The following USP49 variants were observed in gnomAD, a reference collection of about 807,000 sequenced individuals.
The protein encoded by USP49 is ubiquitin carboxyl-terminal hydrolase 49.
Under a neutral mutation model 58.6 loss-of-function variants are expected in USP49, and 24 were observed. The observed-to-expected ratio is 0.41, with a 90% CI of 0.30 to 0.58. The LOEUF (loss-of-function observed/expected upper bound fraction) is 0.58. Ranked by LOEUF, USP49 falls within the 20% of genes least tolerant of loss-of-function variation. USP49 has a pLI of 0.30. For synonymous variants in USP49, 408 were observed against 365.1 expected (o/e 1.12, Z -1.34); for missense variants, 703 against 866.1 (o/e 0.81, Z 2.36).
chr6:41,874,515 T>C (rs1463075163), intron 2 of USP49, among the ~76,000 whole-genome samples: 5 of 152,206 alleles, frequency 3.3e-5, no homozygotes, highest in Non-Finnish European at 7.3e-5. Context: ...TGCAGTTAAA[T>C]GCTGTTACAT....
chr6:41,815,078 A>G (rs1270436327), intron 3 of USP49, among the ~76,000 whole-genome samples: 1 of 152,146 alleles, frequency 6.6e-6, no homozygotes, highest in Non-Finnish European at 1.5e-5. Context: ...TCTAATATCA[A>G]TATATAGTTA....
In USP49 at chr6:41,793,695, A is replaced by C. The variant is rs987074935; in HGVS notation, c.*2838T>G. The C allele has an allele frequency of 6.6e-6, 1 of 152,168 alleles. No homozygotes were observed. Among genetic ancestry groups the C allele is most frequent in the African/African-American group, 2.4e-5 (1 of 41,422 alleles). 9.4% of individuals were successfully genotyped at this position (152,168 alleles called of 1,614,324 possible). On this transcript the variant is annotated 3_prime_UTR_variant, in exon 8 of 8. Coordinates refer to ENST00000682992, the MANE Select transcript of USP49 (RefSeq NM_001286554.2). Reference sequence around the variant, plus strand: ...AGTTCTGCCAAGGGCATTCCTAACTATTTTTATACTAGCATGGATGTTCGT... The same window carrying C: ...AGTTCTGCCAAGGGCATTCCTAACTCTTTTTATACTAGCATGGATGTTCGT...
chr6:41,873,395 G>A (rs1039871007), intron 2 of USP49, among the ~76,000 whole-genome samples: 3 of 152,288 alleles, frequency 2.0e-5, no homozygotes, highest in Non-Finnish European at 4.4e-5. Context: ...TCAGTGGCAC[G>A]AGGCCAGAAA....
At position 41,806,117 on chromosome 6, in the gene USP49, C is replaced by T. The variant is rs761776775; in HGVS notation, c.867G>A (p.Thr289=). 1 of 1,613,930 alleles carries T rather than the reference C, an allele frequency of 6.2e-7. No individual in the cohort carries two copies. The highest frequency in any genetic ancestry group is 1.6e-4 in the Middle Eastern group (1 of 6,062). The change falls in exon 4 of 8, where the codon ACG becomes ACA. Residue 289 remains threonine, a synonymous_variant. Transcript: ENST00000682992. The surrounding 1 kb of genome is among the most constrained non-coding windows in gnomAD (Gnocchi z 5.9). ...TGGTGGCTTTGGGAAACAGATGTTC[C>T]GTTTTGGAAGGGTCAAGGTTGAGGA... ...ECFLNLDPSK[T]EHLFPKATNG... is the part of the protein sequence containing the mutation.
At position 41,804,730 on chromosome 6, in the gene USP49, C is replaced by G. The variant is rs74495399; in HGVS notation, c.1357-720G>C. 6.8e-3 allele frequency among the ~76,000 whole-genome samples: 1,030 copies of G among 152,210 alleles called. 12 individuals are homozygous for G. The highest frequency in any genetic ancestry group is 0.023 in the African/African-American group (969 of 41,544). On this transcript the variant is annotated intron_variant, in intron 4 of 7. Coordinates refer to ENST00000682992, the MANE Select transcript of USP49 (RefSeq NM_001286554.2). The stretch of plus-strand genomic sequence containing the variant: ...CTCTTAAGTTGCTCACCAACCCACC[C>G]CCCACCACGTTTTTTTGTTTGTTTT...
At chr6:41,829,115 AT>A (rs1417340909) in intron 3 of USP49, among the ~76,000 whole-genome samples, 2 of 152,158 alleles carry the variant, frequency 1.3e-5, no homozygotes, top group African/African-American at 2.4e-5. Flanking sequence ...CATTTACTAA[AT>A]GATTATTGCT....
intron 2 of USP49, among the ~76,000 whole-genome samples, chr6:41,875,824 C>T (rs1352487498): frequency 2.6e-5 from 4 of 152,040 alleles, no homozygotes; most frequent in Admixed American, 6.6e-5. Flanking sequence ...CTCCGCCTCC[C>T]GGGTTCAAGT....
In USP49 at chr6:41,837,556, G is replaced by A. The variant is rs12192243; in HGVS notation, c.-28-30545C>T. Among the ~76,000 whole-genome samples the A allele has an allele frequency of 6.5e-3, 986 of 152,260 alleles. 1 individual carries two copies. The highest frequency in any genetic ancestry group is 0.011 in the Non-Finnish European group (732 of 68,002). On this transcript the variant is annotated intron_variant, in intron 3 of 7. Transcript: ENST00000682992. ...ACACAGGCCCTGGCAAAGATTTCACGACGAAGACCCCAAAAGCAATTGCAG... is the reference window on the plus strand; with the variant it reads ...ACACAGGCCCTGGCAAAGATTTCACAACGAAGACCCCAAAAGCAATTGCAG...
At chr6:41,842,587 G>A (rs1773846403) in intron 3 of USP49, among the ~76,000 whole-genome samples, 1 of 152,024 alleles carries the variant, frequency 6.6e-6, no homozygotes, top group African/African-American at 2.4e-5. Flanking sequence ...AAATGTGAAT[G>A]TATTCTACAA....
intron 3 of USP49, among the ~76,000 whole-genome samples, chr6:41,817,604 C>T (rs939313445): frequency 1.3e-5 from 2 of 151,082 alleles, no homozygotes; most frequent in East Asian, 2.0e-4. Flanking sequence ...GGATTACAGG[C>T]GCCCACCACC....
intron 2 of USP49, among the ~76,000 whole-genome samples, chr6:41,874,489 T>C (rs1774467695): frequency 6.6e-6 from 1 of 152,216 alleles, no homozygotes; most frequent in African/African-American, 2.4e-5. Context: ...TAACAGTGTT[T>C]AATGTGTGCC....
At chr6:41,852,936 T>C (rs1774055796) in intron 3 of USP49, among the ~76,000 whole-genome samples, 2 of 152,336 alleles carry the variant, frequency 1.3e-5, no homozygotes, top group Admixed American at 6.5e-5. Flanking sequence ...ACACCTGTAA[T>C]CCCAGCACTT....
At chr6:41,859,622 G>A (rs746640782) in intron 3 of USP49, among the ~76,000 whole-genome samples, 1 of 152,134 alleles carries the variant, frequency 6.6e-6, no homozygotes, top group Non-Finnish European at 1.5e-5. Flanking sequence ...TTGAATTAAA[G>A]ACCGAGTGAA....
intron 3 of USP49, among the ~76,000 whole-genome samples, chr6:41,844,205 A>G (rs1773879573): frequency 1.3e-5 from 2 of 152,178 alleles, no homozygotes; most frequent in African/African-American, 4.8e-5. Context: ...TGGGCAACAG[A>G]GCGAGACTCT....
chr6:41,868,336 A>T lies in USP49; in HGVS notation c.-29+3228T>A, dbSNP rs138201879. On this transcript the variant is annotated intron_variant, in intron 3 of 7. Coordinates refer to ENST00000682992, the MANE Select transcript of USP49 (RefSeq NM_001286554.2). The stretch of plus-strand genomic sequence containing the variant: ...TATTTATTTATTTATTTATTTATTT[A>T]ATTTATTTTTGAGACGGAGTCTCGC... Among the ~76,000 whole-genome samples the T allele has an allele frequency of 1.5e-3, 229 of 152,134 alleles. 1 individual carries two copies. The highest frequency in any genetic ancestry group is 6.6e-3 in the South Asian group (32 of 4,816).
intron 5 of USP49, among the ~76,000 whole-genome samples, chr6:41,802,462 TTATTTATTTTTTATTTA>T (rs1259364318): frequency 5.9e-5 from 5 of 84,184 alleles, no homozygotes; most frequent in African/African-American, 2.1e-4. Context: ...ATTTATTTAT[TTATTTATTTTTTATTTA>T]TTTTTTTTTT....
Position 41,806,222 on chromosome 6 carries a change from G to T in USP49, c.762C>A (p.Gly254=). The change falls in exon 4 of 8, where the codon GGC becomes GGA. Residue 254 remains glycine (G), a synonymous_variant. Transcript: ENST00000682992. This position sits in a 1 kb window ranked among gnomAD's most constrained non-coding sequence, Gnocchi z 5.9. ...RQPAMAPGVT[G]LRNLGNTCYM... Reference sequence around the variant, plus strand: ...AGCAGGTGTTGCCCAGGTTGCGCAGGCCCGTGACGCCTGGGGCCATGGCCG... The same window carrying T: ...AGCAGGTGTTGCCCAGGTTGCGCAGTCCCGTGACGCCTGGGGCCATGGCCG... 6.2e-7 allele frequency: 1 copy of T among 1,611,500 alleles called. No homozygotes were observed.
chr6:41,851,109 TGAG>T (rs931310675), intron 3 of USP49, among the ~76,000 whole-genome samples: 5 of 152,094 alleles, frequency 3.3e-5, no homozygotes, highest in African/African-American at 1.2e-4. Flanking sequence ...TTCCAAAAAC[TGAG>T]GAGGAGGGAA....
intron 3 of USP49, among the ~76,000 whole-genome samples, chr6:41,846,271 C>T (rs2249566): frequency 0.44 from 67,314 of 151,704 alleles, 15,174 homozygotes; most frequent in Middle Eastern, 0.5. Flanking sequence ...GAGCCAAGAT[C>T]GCGCCACTGC....
Sources: allele counts gnomAD v4.1 joint callset (sites outside exome capture counted in the v4.1 genomes callset), GRCh38; gene constraint gnomAD v4.1.1; non-coding constraint Gnocchi (gnomAD v3.1); transcripts MANE v1.5; gene names NCBI Gene and HGNC (gene_info 2026-07-23, HGNC 2026-07-21).